The following GOT1 variants were observed in gnomAD, a reference collection of about 807,000 sequenced individuals.
GOT1 encodes the protein aspartate aminotransferase, cytoplasmic.
GOT1 carries 25 observed loss-of-function variants against 48.2 expected under a neutral mutation model. That is an observed-to-expected ratio of 0.52 (90% CI 0.38 to 0.72). The LOEUF (loss-of-function observed/expected upper bound fraction) is 0.72, where lower values mean the gene tolerates loss of function less well. GOT1 is among the 30% of genes least tolerant of loss of function. The probability of loss-of-function intolerance (pLI) is 0.00; values close to 1 mark genes in which losing one functional copy is unlikely to be tolerated. For missense variants in GOT1, 380 were observed against 520.1 expected, an observed-to-expected ratio of 0.73 and a Z score of 2.62; for synonymous variants, 188 against 193.8, an observed-to-expected ratio of 0.97 and a Z score of 0.25.
rs567523650 is a variant in GOT1 at position 99,427,257 on chromosome 10, T to TTTTA, written c.118+3187_118+3190dup. 2.8e-3 allele frequency among the ~76,000 whole-genome samples: 426 copies of TTTTA among 152,094 alleles called. 6 individuals are homozygous for TTTTA. The highest frequency in any genetic ancestry group is 0.02 in the East Asian group (104 of 5,148). Reference sequence around the variant, plus strand: ...TTGACTTTTAGTACAGTAGAATCTTTTTTATTTATTTATTTATTTATTTAT... The same window carrying TTTTA: ...TTGACTTTTAGTACAGTAGAATCTTTTTTATTTATTTATTTATTTATTTATTTAT... On this transcript the variant is annotated intron_variant, in intron 1 of 8. Coordinates refer to ENST00000370508, the MANE Select transcript of GOT1 (RefSeq NM_002079.3).
chr10:99,426,482 T>C (rs2033039289), intron 1 of GOT1, among the ~76,000 whole-genome samples: 1 of 152,168 alleles, frequency 6.6e-6, no homozygotes, highest in Non-Finnish European at 1.5e-5. Context: ...AACTATTTTA[T>C]TTGAAGATGC....
chr10:99,403,297 CGT>C (rs1319231430), intron 7 of GOT1, among the ~76,000 whole-genome samples, 170 bp downstream of exon 7: 1 of 152,020 alleles, frequency 6.6e-6, no homozygotes, highest in Non-Finnish European at 1.5e-5. Flanking sequence ...GTGTTATGCA[CGT>C]GTGAGGTAGA....
intron 1 of GOT1, among the ~76,000 whole-genome samples, chr10:99,425,127 A>G (rs2033021952): frequency 6.6e-6 from 1 of 152,264 alleles, no homozygotes; most frequent in Non-Finnish European, 1.5e-5. Context: ...TTGAGGAATC[A>G]GAGAAGATTT....
rs1444592384 is a variant in GOT1 at position 99,422,490 on chromosome 10, G to C, written c.119-1685C>G. On this transcript the variant is annotated intron_variant, in intron 1 of 8. Transcript: ENST00000370508. ...ATGGGCATATTCTTTTATAAAATAT[G>C]GATCAAACTGTACATAGAATTTCAA... Among the ~76,000 whole-genome samples the C allele has an allele frequency of 2.0e-5, 3 of 152,018 alleles. No individual in the cohort carries two copies. The East Asian group carries it at 5.8e-4, about 29-fold the overall frequency.
Position 99,397,503 on chromosome 10 carries a change from A to C in GOT1, c.*44T>G. On this transcript the variant is annotated 3_prime_UTR_variant, in exon 9 of 9. Transcript: ENST00000370508. The surrounding 1 kb of genome is among the most constrained non-coding windows in gnomAD (Gnocchi z 5.4). ...AGGTTTGTGCAGGCAGGGAACACAC[A>C]TGACAGAGAACTACTTTGGTGGTAC... 1 of 1,605,302 alleles carries C rather than the reference A, an allele frequency of 6.2e-7. No individual in the cohort carries two copies. The highest frequency in any genetic ancestry group is 8.5e-7 in the Non-Finnish European group (1 of 1,173,238).
At chr10:99,420,277 G>A (rs111293667) in intron 2 of GOT1, 16 of 213,294 alleles carry the variant, frequency 7.5e-5, no homozygotes, top group Admixed American at 3.7e-4. Context: ...TGAGCCCAGA[G>A]GGCTAAATGA....
chr10:99,413,615 A>C (rs917304124), intron 2 of GOT1, among the ~76,000 whole-genome samples: 2 of 152,202 alleles, frequency 1.3e-5, no homozygotes, highest in East Asian at 3.9e-4. Context: ...CCTCAAAAAC[A>C]GCAACTCCAA....
intron 1 of GOT1, among the ~76,000 whole-genome samples, chr10:99,424,779 A>G (rs1337375017): frequency 6.6e-6 from 1 of 152,020 alleles, no homozygotes; most frequent in African/African-American, 2.4e-5. Context: ...TTCCTTCTCC[A>G]TTGCCCAGTT....
intron 2 of GOT1, among the ~76,000 whole-genome samples, chr10:99,409,190 T>C (rs1276649300): frequency 6.6e-6 from 1 of 152,104 alleles, no homozygotes; most frequent in Non-Finnish European, 1.5e-5. Flanking sequence ...TGGAGTGCAG[T>C]GGCACGATCT....
intron 2 of GOT1, among the ~76,000 whole-genome samples, chr10:99,418,059 A>ATATATATAT (rs201912833): frequency 2.8e-5 from 4 of 145,130 alleles, no homozygotes; most frequent in African/African-American, 1.1e-4. Flanking sequence ...ATTAAAAAAA[A>ATATATATAT]AAATATATAT....
At chr10:99,425,960 A>G (rs748054792) in intron 1 of GOT1, among the ~76,000 whole-genome samples, 3 of 152,224 alleles carry the variant, frequency 2.0e-5, no homozygotes, top group Non-Finnish European at 4.4e-5. Flanking sequence ...ACTGCACTAA[A>G]TACATTTCTT....
intron 1 of GOT1, among the ~76,000 whole-genome samples, chr10:99,423,123 G>T (rs1410054231): frequency 2.0e-5 from 3 of 152,216 alleles, no homozygotes; most frequent in African/African-American, 7.2e-5. Flanking sequence ...CACTGTTTAA[G>T]AGCGTTTGCT....
In GOT1 at chr10:99,403,899, G is replaced by A. The variant is rs754041516; in HGVS notation, c.643-25C>T. ...GCTGCGGGGAAGCAAAGTGAGTCAG[G>A]GCAGGAAATCCTTCTGGCACCAACC... On this transcript the variant is annotated intron_variant, in intron 5 of 8. Coordinates refer to ENST00000370508, the MANE Select transcript of GOT1 (RefSeq NM_002079.3). 1.9e-6 allele frequency: 3 copies of A among 1,612,098 alleles called. No homozygotes were observed. The South Asian group carries it at 3.3e-5, about 18-fold the overall frequency.
intron 2 of GOT1, among the ~76,000 whole-genome samples, chr10:99,418,494 C>CTTTTTTTT (rs11394746): frequency 5.7e-5 from 8 of 140,610 alleles, no homozygotes; most frequent in Non-Finnish European, 6.1e-5. Context: ...TCCCCACTTT[C>CTTTTTTTT]TTTTTTTTTT....
At chr10:99,418,423 T>G (rs1248762314) in intron 2 of GOT1, among the ~76,000 whole-genome samples, 1 of 150,882 alleles carries the variant, frequency 6.6e-6, no homozygotes, top group Admixed American at 6.6e-5. Flanking sequence ...TTTTCATTTG[T>G]CAGCAACAGA....
At chr10:99,420,503 G>A (rs2032952068) in intron 2 of GOT1, 121 bp downstream of exon 2, 8 of 742,064 alleles carry the variant, frequency 1.1e-5, no homozygotes, top group Non-Finnish European at 1.5e-5. Flanking sequence ...TCGCGCTACA[G>A]AAACACTTAT....
rs987162314 is a variant in GOT1, at chr10:99,402,434, A to C, written c.1102+146T>G. On this transcript the variant is annotated intron_variant, in intron 8 of 8. Transcript: ENST00000370508. ...GTTTATGAGATGGTGGGACACCCTA[A>C]GAAAACCTAACTTGTCCTGGTCCAA... is the stretch of plus-strand genomic sequence containing the variant. The C allele has an allele frequency of 1.1e-5, 9 of 806,136 alleles. No homozygotes were observed. The African/African-American group carries it at 1.5e-4, about 14-fold the overall frequency. The allele number at this position is 806,136 out of a possible 1,614,324, so 49.9% of individuals were successfully genotyped here.
chr10:99,412,602 T>C (rs1165888105), intron 2 of GOT1, among the ~76,000 whole-genome samples: 3 of 151,900 alleles, frequency 2.0e-5, no homozygotes, highest in Admixed American at 6.6e-5. Context: ...AGAGTAGTGG[T>C]TCTCTCAGCA....
chr10:99,405,872 G>A lies in GOT1; in HGVS notation c.538-12C>T. ...AACTCAGGAGCATTCTGAGGAGAAG[G>A]AAGCTATGTCAGCTCTGACACTGAT... is the stretch of plus-strand genomic sequence containing the variant. On this transcript the variant is annotated splice_polypyrimidine_tract_variant and intron_variant, in intron 4 of 8. Transcript: ENST00000370508. 6.8e-7 allele frequency: 1 copy of A among 1,462,970 alleles called. No individual in the cohort carries two copies. Among genetic ancestry groups the A allele is most frequent in the African/African-American group, 1.4e-5 (1 of 72,118 alleles). The allele number at this position is 1,462,970 out of a possible 1,614,324, so 90.6% of individuals were successfully genotyped here.
Sources: gnomAD v4.1 joint callset for allele counts (sites outside exome capture counted in the v4.1 genomes callset) on GRCh38, gnomAD v4.1.1 for gene constraint, Gnocchi (gnomAD v3.1) non-coding constraint, MANE v1.5 for transcripts, NCBI Gene and HGNC (gene_info 2026-07-23, HGNC 2026-07-21) for gene names.